CSMD1: variants seen among roughly 807,000 people sequenced by gnomAD.
CSMD1 encodes the protein CUB and sushi domain-containing protein 1.
A neutral mutation model predicts 417.5 loss-of-function variants in CSMD1; 213 were observed. That is an observed-to-expected ratio of 0.51 (90% CI 0.46 to 0.57). CSMD1 has a LOEUF of 0.57. CSMD1 is among the 20% of genes least tolerant of loss of function. The pLI, the probability that CSMD1 is intolerant of heterozygous loss-of-function variation, is 0.00. For synonymous variants in CSMD1, 2,862 were observed against 1,736.8 expected, an observed-to-expected ratio of 1.65 and a Z score of -16.11; for missense variants, 6,923 against 4,529.7, an observed-to-expected ratio of 1.53 and a Z score of -15.17.
intron 55 of CSMD1, among the ~76,000 whole-genome samples, chr8:2,977,296 GT>G (rs1335634058): frequency 1.3e-5 from 2 of 151,956 alleles, no homozygotes; most frequent in Non-Finnish European, 2.9e-5. Context: ...GTGAGTGTTG[GT>G]CCTCTCCCTG....
At chr8:4,400,141 G>T (rs551894670) in intron 3 of CSMD1, among the ~76,000 whole-genome samples, 1 of 152,232 alleles carries the variant, frequency 6.6e-6, no homozygotes, top group Admixed American at 6.5e-5. Context: ...TTGTATTTGG[G>T]AAAATATAGC....
intron 2 of CSMD1, among the ~76,000 whole-genome samples, chr8:4,488,445 T>C (rs1212998720): frequency 2.0e-5 from 3 of 152,062 alleles, no homozygotes; most frequent in Non-Finnish European, 4.4e-5. Flanking sequence ...AGAGGTGAAG[T>C]AGTATGCTCA....
intron 3 of CSMD1, among the ~76,000 whole-genome samples, chr8:4,052,948 G>C (rs1235752863): frequency 6.6e-6 from 1 of 152,134 alleles, no homozygotes; most frequent in African/African-American, 2.4e-5. Context: ...GAGGGTCTGA[G>C]AGGTATAAAT....
At chr8:3,710,980 T>C (rs1356071342) in intron 6 of CSMD1, among the ~76,000 whole-genome samples, 1 of 152,172 alleles carries the variant, frequency 6.6e-6, no homozygotes, top group Non-Finnish European at 1.5e-5. Context: ...GCTGTGCTTC[T>C]GTATCATGCC....
chr8:4,056,790 G>A (rs1037633940), intron 3 of CSMD1, among the ~76,000 whole-genome samples: 19 of 151,918 alleles, frequency 1.3e-4, no homozygotes, highest in Middle Eastern at 3.4e-3. Context: ...GCGGTGTTTC[G>A]TTTTTTGTCC....
intron 2 of CSMD1, among the ~76,000 whole-genome samples, chr8:4,477,252 A>G (rs1800853288): frequency 6.6e-6 from 1 of 152,184 alleles, no homozygotes; most frequent in Non-Finnish European, 1.5e-5. Context: ...GGCTAGAGCC[A>G]CTGCAGCTCC....
chr8:3,335,333 C>G (rs568153031), intron 23 of CSMD1, among the ~76,000 whole-genome samples: 2 of 152,320 alleles, frequency 1.3e-5, no homozygotes, highest in East Asian at 1.9e-4. Context: ...CCATCACACA[C>G]AGCCAGTGGT....
intron 2 of CSMD1, among the ~76,000 whole-genome samples, chr8:4,633,314 T>G (rs941869017): frequency 2.6e-5 from 4 of 152,000 alleles, no homozygotes; most frequent in Admixed American, 6.6e-5. Context: ...TGGTGCGATC[T>G]CGGCTCACTG....
rs186309046 is a variant in CSMD1, at chr8:4,643,831, G to A, written c.86-6273C>T. 2.3e-3 allele frequency among the ~76,000 whole-genome samples: 350 copies of A among 152,288 alleles called. 5 individuals carry two copies. The highest frequency in any genetic ancestry group is 8.2e-3 in the African/African-American group (340 of 41,546). On this transcript the variant is annotated intron_variant, in intron 1 of 69. Transcript: ENST00000635120. The stretch of plus-strand genomic sequence containing the variant: ...ACCATGATTTAAAGTGCCGTTCCGG[G>A]GACTTCGATTAAGGGTTTTCAGAAT...
chr8:2,949,461 C>G, intron 67 of CSMD1, 75 bp from the exon 68 acceptor site: 1 of 706,572 alleles, frequency 1.4e-6, no homozygotes, highest in Non-Finnish European at 2.3e-6. Flanking sequence ...TTTAATATAT[C>G]TTTTAATACA....
At chr8:2,955,522 C>T in intron 64 of CSMD1, 67 bp downstream of exon 64, 1 of 1,524,218 alleles carries the variant, frequency 6.6e-7, no homozygotes, top group South Asian at 1.2e-5. Context: ...GGACACTAGC[C>T]TGATGGGCAG....
chr8:3,748,012 T>A (rs551021081), intron 6 of CSMD1, among the ~76,000 whole-genome samples: 1 of 152,096 alleles, frequency 6.6e-6, no homozygotes, highest in Non-Finnish European at 1.5e-5. Flanking sequence ...TTCTATTTTA[T>A]AAAACAAGGT....
chr8:3,852,054 G>A (rs993772864), intron 5 of CSMD1, among the ~76,000 whole-genome samples: 1 of 152,190 alleles, frequency 6.6e-6, no homozygotes, highest in East Asian at 1.9e-4. Flanking sequence ...AATAAGAATG[G>A]TTGAGGCAGA....
At chr8:2,965,985 G>T (rs910094630) in intron 58 of CSMD1, 31 bp from the exon 59 acceptor site, 8 of 1,551,568 alleles carry the variant, frequency 5.2e-6, no homozygotes, top group Non-Finnish European at 5.3e-6. Flanking sequence ...AAGAATCAGA[G>T]AAATTCATTT....
At chr8:3,078,867 C>T (rs1166088261) in intron 49 of CSMD1, among the ~76,000 whole-genome samples, 4 of 152,178 alleles carry the variant, frequency 2.6e-5, no homozygotes, top group African/African-American at 7.2e-5. Context: ...TGGGTGCAGA[C>T]ATGTCTGACT....
chr8:3,868,825 A>C (rs533456817), intron 5 of CSMD1, among the ~76,000 whole-genome samples: 1 of 152,202 alleles, frequency 6.6e-6, no homozygotes, highest in East Asian at 1.9e-4. Context: ...TTTCATGGCC[A>C]ATGTGCTCAT....
intron 5 of CSMD1, among the ~76,000 whole-genome samples, chr8:3,803,955 T>C (rs146955071): frequency 0.015 from 2,342 of 152,002 alleles, 60 homozygotes; most frequent in African/African-American, 0.052. Context: ...TGAGGTGGAG[T>C]CTTGCTCTGT....
chr8:4,267,200 A>T lies in CSMD1; in HGVS notation c.415+152753T>A, dbSNP rs532903203. 1.9e-5 allele frequency among the ~76,000 whole-genome samples: 2 copies of T among 104,606 alleles called. 1 individual carries two copies. The highest frequency in any genetic ancestry group is 5.2e-5 in the Non-Finnish European group (2 of 38,736). 68.6% of individuals were successfully genotyped at this position (104,606 alleles called of 152,430 possible). On this transcript the variant is annotated intron_variant, in intron 3 of 69. Transcript: ENST00000635120. ...TCATTAATTCCAAAAAATGCACAACAAAAGAATCCATTAACAACAGTTATT... is the reference window on the plus strand; with the variant it reads ...TCATTAATTCCAAAAAATGCACAACTAAAGAATCCATTAACAACAGTTATT...
At chr8:4,453,955 G>C (rs1450942515) in intron 2 of CSMD1, among the ~76,000 whole-genome samples, 2 of 150,630 alleles carry the variant, frequency 1.3e-5, no homozygotes, top group African/African-American at 4.9e-5. Flanking sequence ...CCGAGTAGCT[G>C]GGACTACAGG....
Sources: gnomAD v4.1 joint callset for allele counts (sites outside exome capture counted in the v4.1 genomes callset) on GRCh38, gnomAD v4.1.1 for gene constraint, MANE v1.5 for transcripts, NCBI Gene and HGNC (gene_info 2026-07-23, HGNC 2026-07-21) for gene names.